CCDC141: variants seen among roughly 807,000 people sequenced by gnomAD.
The protein encoded by CCDC141 is coiled-coil domain containing 141, also known as coiled-coil domain-containing protein 141.
A neutral mutation model predicts 181.0 loss-of-function variants in CCDC141; 168 were observed. The observed-to-expected ratio is 0.93, with a 90% CI of 0.82 to 1.05. The LOEUF (loss-of-function observed/expected upper bound fraction) is 1.05, where lower values mean the gene tolerates loss of function less well. Ranked by LOEUF, CCDC141 falls within the 50% of genes least tolerant of loss-of-function variation. CCDC141 has a pLI of 0.00. For synonymous variants in CCDC141, 666 were observed against 642.3 expected, an observed-to-expected ratio of 1.04 and a Z score of -0.56; for missense variants, 1,902 against 1,788.5, an observed-to-expected ratio of 1.06 and a Z score of -1.14.
the CCDC141 span, among the ~76,000 whole-genome samples, chr2:178,820,705 G>A: frequency 6.6e-6 from 1 of 152,122 alleles, no homozygotes; most frequent in Non-Finnish European, 1.5e-5. Flanking sequence ...TCTGAAGAAA[G>A]CATTAGAAAT....
chr2:178,924,687 C>T (rs1442585414), intron 6 of CCDC141, among the ~76,000 whole-genome samples: 8 of 152,160 alleles, frequency 5.3e-5, no homozygotes, highest in Admixed American at 5.2e-4. Flanking sequence ...GTCTCCCATG[C>T]TTGCTGAGTT....
intron 2 of CCDC141, among the ~76,000 whole-genome samples, chr2:179,010,735 C>T (rs754433962): frequency 1.3e-5 from 2 of 152,052 alleles, no homozygotes; most frequent in African/African-American, 4.8e-5. Context: ...AACAAAAATA[C>T]AAGTTAAAAA....
chr2:178,863,985 A>C (rs920674371), intron 17 of CCDC141, among the ~76,000 whole-genome samples: 6 of 152,186 alleles, frequency 3.9e-5, no homozygotes, highest in African/African-American at 1.4e-4. Context: ...TCTCATCATG[A>C]GGCAGTCCCT....
In CCDC141 at chr2:178,978,505, T is replaced by A; in HGVS notation, c.396A>T (p.Glu132Asp). The change falls in exon 3 of 24, where the codon GAA (glutamate) becomes GAT (aspartate). Residue 132 changes from glutamate (E) to aspartate (D), a missense_variant. Physicochemically the swap from Glu to Asp is conservative, Grantham distance 45. Transcript: ENST00000443758. ...AAACCTCTAAGGCATTTTCAAAAAATTCAGAAGTCAACCTAAGGAGCTCTG... is the reference window on the plus strand; with the variant it reads ...AAACCTCTAAGGCATTTTCAAAAAAATCAGAAGTCAACCTAAGGAGCTCTG... ...RRTELLRLTS[E>D]FFENALEFAI... 1 of 1,503,748 alleles carries A rather than the reference T, an allele frequency of 6.7e-7. No individual in the cohort carries two copies. Among genetic ancestry groups the A allele is most frequent in the Non-Finnish European group, 8.9e-7 (1 of 1,126,474 alleles). 93.2% of individuals were successfully genotyped at this position (1,503,748 alleles called of 1,614,324 possible).
chr2:178,859,432 A>G (rs904110925), intron 17 of CCDC141, among the ~76,000 whole-genome samples: 2 of 152,116 alleles, frequency 1.3e-5, no homozygotes, highest in Non-Finnish European at 2.9e-5. Flanking sequence ...TTCTAACTTT[A>G]GTCAACTTGT....
chr2:179,040,893 T>C (rs1412818555), intron 2 of CCDC141, among the ~76,000 whole-genome samples: 1 of 152,242 alleles, frequency 6.6e-6, no homozygotes, highest in Non-Finnish European at 1.5e-5. Flanking sequence ...CCTTTGGGTA[T>C]ATACCTAGTA....
At chr2:178,829,706 G>A (rs1684183587), downstream of CCDC141, 1 of 152,198 alleles carries the variant, frequency 6.6e-6, no homozygotes, top group African/African-American at 2.4e-5. Context: ...TATTATAAAT[G>A]GAAAACAGTC....
At chr2:178,974,566 AT>A (rs1691040519) in intron 4 of CCDC141, among the ~76,000 whole-genome samples, 1 of 152,114 alleles carries the variant, frequency 6.6e-6, no homozygotes. Flanking sequence ...GTTTTATTAG[AT>A]TTTCATCTGG....
intron 4 of CCDC141, among the ~76,000 whole-genome samples, chr2:178,962,600 CTTTCT>C (rs1690453808): frequency 1.3e-5 from 2 of 151,210 alleles, no homozygotes; most frequent in South Asian, 4.2e-4. Flanking sequence ...TTCTTTCTTT[CTTTCT>C]TTTCTTTCTT....
At chr2:178,866,081 A>G (rs988636193) in intron 16 of CCDC141, among the ~76,000 whole-genome samples, 165 bp from the exon 17 acceptor site, 3 of 152,244 alleles carry the variant, frequency 2.0e-5, no homozygotes, top group Non-Finnish European at 4.4e-5. Context: ...TATTTCAGAA[A>G]GAAGCCAGTC....
intron 6 of CCDC141, among the ~76,000 whole-genome samples, chr2:178,935,747 C>T (rs930111530): frequency 1.3e-5 from 2 of 152,138 alleles, no homozygotes; most frequent in Admixed American, 1.3e-4. Flanking sequence ...TCCCTTTGCT[C>T]TGCAACTTCA....
chr2:179,047,242 G>A, intron 2 of CCDC141, 42 bp downstream of exon 2: 1 of 1,476,294 alleles, frequency 6.8e-7, no homozygotes, highest in Non-Finnish European at 8.9e-7. Context: ...AGTTTTTTAT[G>A]TCTCTTTAAT....
chr2:179,034,984 G>A (rs999676659), intron 2 of CCDC141, among the ~76,000 whole-genome samples: 9 of 152,050 alleles, frequency 5.9e-5, no homozygotes, highest in Non-Finnish European at 1.2e-4. Context: ...TATGGGTTCT[G>A]GAAAACTCAT....
At chr2:178,864,098 A>G (rs1044312832) in intron 17 of CCDC141, among the ~76,000 whole-genome samples, 11 of 152,314 alleles carry the variant, frequency 7.2e-5, no homozygotes, top group African/African-American at 2.6e-4. Flanking sequence ...GGGCTGGGAA[A>G]ACCCCTCAGC....
chr2:178,822,925 A>G, the CCDC141 span, among the ~76,000 whole-genome samples: 1 of 152,228 alleles, frequency 6.6e-6, no homozygotes, highest in Non-Finnish European at 1.5e-5. Flanking sequence ...TAAAATAACC[A>G]TGTAATCTTT....
intron 2 of CCDC141, among the ~76,000 whole-genome samples, chr2:179,017,665 T>C (rs1575353248): frequency 1.3e-5 from 2 of 152,128 alleles, no homozygotes; most frequent in East Asian, 1.9e-4. Context: ...ATTTTTGTCC[T>C]TACCTTGAAA....
intron 11 of CCDC141, among the ~76,000 whole-genome samples, chr2:178,879,036 C>T (rs906288479): frequency 6.6e-6 from 1 of 152,118 alleles, no homozygotes; most frequent in African/African-American, 2.4e-5. Context: ...AAGAGCTAAT[C>T]TCTTATTAAG....
intron 6 of CCDC141, among the ~76,000 whole-genome samples, chr2:178,921,590 A>G (rs907621128): frequency 6.6e-6 from 1 of 152,016 alleles, no homozygotes; most frequent in Non-Finnish European, 1.5e-5. Context: ...ACTTCTTGGC[A>G]TCTTTAATGT....
intron 6 of CCDC141, among the ~76,000 whole-genome samples, chr2:178,929,755 C>A (rs1353765732): frequency 6.6e-6 from 1 of 152,098 alleles, no homozygotes; most frequent in East Asian, 1.9e-4. Flanking sequence ...CTTACACTCT[C>A]TTTCATTGTG....
Sources: allele counts gnomAD v4.1 joint callset (sites outside exome capture counted in the v4.1 genomes callset), GRCh38; gene constraint gnomAD v4.1.1; transcripts MANE v1.5; gene names NCBI Gene and HGNC (gene_info 2026-07-23, HGNC 2026-07-21).